The following C21orf58 variants were observed in gnomAD, a reference collection of about 807,000 sequenced individuals.
C21orf58 encodes the protein chromosome 21 open reading frame 58.
C21orf58 carries 34 observed loss-of-function variants against 35.8 expected under a neutral mutation model. The observed-to-expected ratio is 0.95, with a 90% CI of 0.72 to 1.26. The LOEUF (loss-of-function observed/expected upper bound fraction) is 1.26. Ranked by LOEUF, C21orf58 falls within the 50% of genes most tolerant of loss-of-function variation. C21orf58 has a pLI of 0.00. For missense variants in C21orf58, 440 were observed against 414.3 expected (o/e 1.06, Z -0.54); for synonymous variants, 191 against 175.8 (o/e 1.09, Z -0.68).
intron 4 of C21orf58, 66 bp from the exon 5 acceptor site, chr21:46,314,946 C>T (rs2082915071): frequency 1.3e-6 from 2 of 1,550,324 alleles, no homozygotes; most frequent in Non-Finnish European, 1.7e-6. Flanking sequence ...GAGGCACCCC[C>T]AGCATCAGGC....
At position 46,302,145 on chromosome 21, in the gene C21orf58, G is replaced by A; in HGVS notation, c.823C>T (p.His275Tyr). 2 of 1,495,172 alleles carry A rather than the reference G, an allele frequency of 1.3e-6. No homozygotes were observed. Among genetic ancestry groups the A allele is most frequent in the African/African-American group, 1.4e-5 (1 of 71,692 alleles). 92.6% of individuals were successfully genotyped at this position (1,495,172 alleles called of 1,614,324 possible). A position where few individuals can be genotyped will look rare whatever the true frequency, so the allele number is the denominator to read the frequency against. The change falls in exon 8 of 8, where the codon CAT becomes TAT. Residue 275 changes from histidine to tyrosine, a missense_variant. Transcript: ENST00000291691. ...GCTCGTGGGACCCTCGGGGGCACAT[G>A]TGGCGGGTCCTGCCACAGACGCACC... ...ALPPALQDPPHVPPRVPRAAR... is the reference protein window; with the variant it reads ...ALPPALQDPPYVPPRVPRAAR...
At chr21:46,302,683 C>CAGGT (rs1446229831) in intron 6 of C21orf58, 107 bp from the exon 7 acceptor site, 17 of 892,044 alleles carry the variant, frequency 1.9e-5, no homozygotes, top group Middle Eastern at 2.3e-4. Flanking sequence ...GTACACTGTG[C>CAGGT]AGGTCCCCGG....
intron 6 of C21orf58, among the ~76,000 whole-genome samples, chr21:46,307,996 CT>C (rs1048571587): frequency 2.6e-5 from 4 of 151,774 alleles, no homozygotes; most frequent in African/African-American, 9.7e-5. Context: ...TTGGCAGTTT[CT>C]TTTTTTTCTT....
At chr21:46,317,886 G>A in intron 2 of C21orf58, 126 bp downstream of exon 2, 1 of 1,044,266 alleles carries the variant, frequency 9.6e-7, no homozygotes, top group Non-Finnish European at 1.4e-6. Context: ...GGTCCGCTGG[G>A]CTGCCAGCCC....
intron 3 of C21orf58, among the ~76,000 whole-genome samples, chr21:46,316,935 G>A (rs1318579460): frequency 1.3e-5 from 2 of 152,238 alleles, no homozygotes; most frequent in Non-Finnish European, 2.9e-5. Flanking sequence ...ACCACTGCCA[G>A]GGTGAGCAAC....
chr21:46,314,598 G>A (rs1663087823), intron 5 of C21orf58, 118 bp downstream of exon 5: 1 of 798,450 alleles, frequency 1.3e-6, no homozygotes. Context: ...TGGGCCTTGG[G>A]AGGATGGGGG....
Position 46,316,158 on chromosome 21 carries a change from T to TA in C21orf58, c.371-612dup, listed in dbSNP as rs879446765. Among the ~76,000 whole-genome samples the TA allele has an allele frequency of 5.3e-3, 755 of 142,806 alleles. 4 individuals carry two copies. The highest frequency in any genetic ancestry group is 0.018 in the African/African-American group (692 of 38,936). 93.7% of individuals were successfully genotyped at this position (142,806 alleles called of 152,430 possible). A position where few individuals can be genotyped will look rare whatever the true frequency, so the allele number is the denominator to read the frequency against. On this transcript the variant is annotated intron_variant, in intron 3 of 7. Transcript: ENST00000291691. ...AGCGAGACCAACCCTGTCTCAGGAATAAAAAAAAAAAATCTGGCCAGGTGC... is the reference window on the plus strand; with the variant it reads ...AGCGAGACCAACCCTGTCTCAGGAATAAAAAAAAAAAAATCTGGCCAGGTGC...
At chr21:46,318,820 T>A (rs752292729) in intron 1 of C21orf58, 69 of 987,298 alleles carry the variant, frequency 7.0e-5, no homozygotes, top group Non-Finnish European at 8.1e-5. Context: ...GAGTCAAGTT[T>A]GCAGGAAGCT....
intron 6 of C21orf58, among the ~76,000 whole-genome samples, chr21:46,305,665 C>T (rs192239064): frequency 3.3e-3 from 503 of 152,200 alleles, no homozygotes; most frequent in South Asian, 0.012. Flanking sequence ...CTTGGCCGGG[C>T]GCGGTGGCTC....
rs1569136913 is a variant in C21orf58, at chr21:46,318,035, G to C, written c.286C>G (p.Leu96Val). Residue 96 changes from leucine to valine, a missense_variant, in exon 2 of 8, where the codon CTG becomes GTG. Leu to Val is a conservative substitution (Grantham distance 32). Transcript: ENST00000291691. ...DSSAAEQVTR[L>V]TLKLLGQKLE... ...ACCTGTCCCAAGAGCTTCAGCGTCA[G>C]TCGGGTCACTTGCTCTGCTGCTGAT... 1 of 1,613,354 alleles carries C rather than the reference G, an allele frequency of 6.2e-7. No homozygotes were observed. The highest frequency in any genetic ancestry group is 1.3e-5 in the African/African-American group (1 of 74,948).
chr21:46,308,219 T>C (rs1442619362), intron 6 of C21orf58, among the ~76,000 whole-genome samples: 1 of 151,968 alleles, frequency 6.6e-6, no homozygotes, highest in Non-Finnish European at 1.5e-5. Flanking sequence ...TCCCAGCACT[T>C]TGGGAGGCCG....
At chr21:46,307,463 T>TAC (rs2082474677) in intron 6 of C21orf58, among the ~76,000 whole-genome samples, 2 of 152,134 alleles carry the variant, frequency 1.3e-5, no homozygotes, top group Non-Finnish European at 2.9e-5. Flanking sequence ...CACACACCCC[T>TAC]ACCTCAGTGT....
At chr21:46,321,491 ATG>A (rs1429857085) in intron 1 of C21orf58, among the ~76,000 whole-genome samples, 10 of 152,188 alleles carry the variant, frequency 6.6e-5, no homozygotes, top group South Asian at 2.1e-4. Context: ...ACATTGAGTT[ATG>A]TGTCTTTAGG....
At chr21:46,317,962 C>A in intron 2 of C21orf58, 50 bp downstream of exon 2, 1 of 1,599,442 alleles carries the variant, frequency 6.3e-7, no homozygotes. Context: ...CCCTCCAACG[C>A]CACAGCCTGC....
At position 46,302,216 on chromosome 21, in the gene C21orf58, C is replaced by T. The variant is rs918626007; in HGVS notation, c.814-62G>A. ...AGGCTGCTCCCCACCTCCACTCCCGCCCTGTTCCTAACTGGGGCTGGATCC... is the reference window on the plus strand; with the variant it reads ...AGGCTGCTCCCCACCTCCACTCCCGTCCTGTTCCTAACTGGGGCTGGATCC... On this transcript the variant is annotated intron_variant, in intron 7 of 7. Transcript: ENST00000291691. 2.1e-6 allele frequency: 3 copies of T among 1,434,538 alleles called. No individual in the cohort carries two copies. In the African/African-American group the frequency reaches 4.3e-5, roughly 21 times the overall value. 88.9% of individuals were successfully genotyped at this position (1,434,538 alleles called of 1,614,324 possible).
At chr21:46,307,521 C>T (rs1387180199) in intron 6 of C21orf58, among the ~76,000 whole-genome samples, 1 of 152,092 alleles carries the variant, frequency 6.6e-6, no homozygotes. Context: ...CTGGAAAAAT[C>T]GACAGGTAAT....
chr21:46,320,313 G>A (rs2083112111), intron 1 of C21orf58, among the ~76,000 whole-genome samples: 1 of 152,000 alleles, frequency 6.6e-6, no homozygotes, highest in African/African-American at 2.4e-5. Context: ...ATGTTGGCCA[G>A]ACTGGTCTCG....
At position 46,301,802 on chromosome 21, in the gene C21orf58, C is replaced by G. The variant is rs2082116433; in HGVS notation, c.*197G>C. The G allele has an allele frequency of 3.2e-6, 4 of 1,246,184 alleles. No individual in the cohort carries two copies. Among genetic ancestry groups the G allele is most frequent in the Non-Finnish European group, 4.0e-6 (4 of 996,240 alleles). 77.2% of individuals were successfully genotyped at this position (1,246,184 alleles called of 1,614,324 possible). ...TGCAGGGGACCCGGAGCAAGGGATG[C>G]CCCCTGGAATGGCCCCGTGACCAGA... On this transcript the variant is annotated 3_prime_UTR_variant, in exon 8 of 8. Coordinates refer to ENST00000291691, the MANE Select transcript of C21orf58 (RefSeq NM_058180.5).
chr21:46,313,250 T>C (rs1187928163), intron 5 of C21orf58: 1 of 160,474 alleles, frequency 6.2e-6, no homozygotes, highest in Non-Finnish European at 1.3e-5. Flanking sequence ...AATTTTCATA[T>C]GTTGCAAAAT....
Sources: allele counts gnomAD v4.1 joint callset (sites outside exome capture counted in the v4.1 genomes callset), GRCh38; gene constraint gnomAD v4.1.1; transcripts MANE v1.5; gene names NCBI Gene and HGNC (gene_info 2026-07-23, HGNC 2026-07-21).